ANLN: variants seen among roughly 807,000 people sequenced by gnomAD.
ANLN encodes anillin.
In ANLN, 59 loss-of-function variants were observed where a neutral mutation model predicts 135.1. That is an observed-to-expected ratio of 0.44 (90% CI 0.35 to 0.54). ANLN has a LOEUF of 0.54. Among genes scored for constraint, ANLN ranks in the 20% least tolerant of loss-of-function variants. The pLI is 0.00. For missense variants in ANLN, 1,182 were observed against 1,340.0 expected (o/e 0.88, Z 1.84); for synonymous variants, 406 against 456.4 (o/e 0.89, Z 1.41).
intron 2 of ANLN, 115 bp downstream of exon 2, chr7:36,396,534 A>C (rs1583590681): frequency 9.8e-7 from 1 of 1,016,012 alleles, no homozygotes. Context: ...GACAAATGTA[A>C]CAGCCTCTGG....
intron 3 of ANLN, among the ~76,000 whole-genome samples, chr7:36,400,868 T>C (rs1289271685): frequency 6.6e-6 from 1 of 152,198 alleles, no homozygotes; most frequent in Non-Finnish European, 1.5e-5. Context: ...TTATTTTTTT[T>C]AAAGCTCTTT....
chr7:36,452,726 C>A lies in ANLN; in HGVS notation c.*126C>A. On this transcript the variant is annotated 3_prime_UTR_variant, in exon 24 of 24. Coordinates refer to ENST00000265748, the MANE Select transcript of ANLN (RefSeq NM_018685.5). ...AAAGGGTTTGTGCCAATATTCACTA[C>A]GTATTATGCAGTATTTATATCTTTT... 9.5e-7 allele frequency: 1 copy of A among 1,054,792 alleles called. No individual in the cohort carries two copies. Among genetic ancestry groups the A allele is most frequent in the Non-Finnish European group, 1.4e-6 (1 of 726,238 alleles). The allele number at this position is 1,054,792 out of a possible 1,614,324, so 65.3% of individuals were successfully genotyped here. A position where few individuals can be genotyped will look rare whatever the true frequency, so the allele number is the denominator to read the frequency against.
In ANLN at chr7:36,420,289, T is replaced by A. The variant is rs763658240; in HGVS notation, c.1990T>A (p.Ser664Thr). ...AGCTGAATCTGGTGATAGCCTTGGT[T>A]CTGAAGATCGTGATCTTCTTTACAG... ...PRAESGDSLG[S>T]EDRDLLYSID... Residue 664 changes from serine (S) to threonine (T), a missense_variant, in exon 11 of 24, where the codon TCT (serine) becomes ACT (threonine). Ser to Thr is a moderately conservative substitution (Grantham distance 58, BLOSUM62 1). This residue lies in a region of ANLN where 1,022 missense variants were observed against 1,134.0 expected (regional missense o/e 0.90). Transcript: ENST00000265748. The A allele has an allele frequency of 3.1e-6, 5 of 1,614,020 alleles. No individual in the cohort carries two copies. In the Admixed American group the frequency reaches 5.0e-5, roughly 16 times the overall value.
chr7:36,405,360 A>T (rs1356069504), intron 3 of ANLN, among the ~76,000 whole-genome samples: 1 of 152,226 alleles, frequency 6.6e-6, no homozygotes, highest in Admixed American at 6.5e-5. Context: ...GACTGTGCTT[A>T]TGTGCAGACA....
intron 2 of ANLN, among the ~76,000 whole-genome samples, chr7:36,396,866 A>G (rs1282752981): frequency 3.9e-5 from 6 of 152,204 alleles, no homozygotes; most frequent in African/African-American, 7.2e-5. Flanking sequence ...TTCACTCTCT[A>G]TTTGCTGAAC....
At chr7:36,418,493 A>C (rs993524352) in intron 9 of ANLN, among the ~76,000 whole-genome samples, 1 of 152,240 alleles carries the variant, frequency 6.6e-6, no homozygotes, top group Non-Finnish European at 1.5e-5. Context: ...AGTATATATC[A>C]TAATACCACA....
chr7:36,448,742 A>G (rs1004855955), intron 22 of ANLN, among the ~76,000 whole-genome samples: 5 of 152,110 alleles, frequency 3.3e-5, no homozygotes, highest in Admixed American at 1.3e-4. Flanking sequence ...ATAGTCCCCT[A>G]TTACTGTCAT....
intron 7 of ANLN, among the ~76,000 whole-genome samples, chr7:36,413,219 C>T (rs548659158): frequency 6.6e-6 from 1 of 152,160 alleles, no homozygotes; most frequent in East Asian, 1.9e-4. Context: ...CCATTCCCCT[C>T]CTTTTCTTTG....
intron 7 of ANLN, among the ~76,000 whole-genome samples, chr7:36,412,323 ATATATTT>A (rs1381591249): frequency 6.8e-5 from 8 of 117,708 alleles, no homozygotes; most frequent in South Asian, 5.2e-4. Context: ...ATATATATAT[ATATATTT>A]TTTTTTTTTT....
In ANLN at chr7:36,423,832, ATTAC is replaced by A; in HGVS notation, c.2496_2499del (p.Tyr832Ter). 6.2e-7 allele frequency: 1 copy of A among 1,610,388 alleles called. No individual in the cohort carries two copies. Among genetic ancestry groups the A allele is most frequent in the African/African-American group, 1.3e-5 (1 of 74,904 alleles). On this transcript the variant is annotated frameshift_variant, in exon 15 of 24. Transcript: ENST00000265748. LOFTEE classifies it high-confidence loss of function. ...CTTCTTACAGATGCAGCAAATTACTATTACTTAATTATACTAAAAGCAGGAGCTG... is the reference window on the plus strand; with the variant it reads ...CTTCTTACAGATGCAGCAAATTACTATTAATTATACTAAAAGCAGGAGCTG...
intron 9 of ANLN, among the ~76,000 whole-genome samples, chr7:36,417,571 T>G (rs750311497): frequency 9.2e-5 from 14 of 152,004 alleles, no homozygotes; most frequent in Admixed American, 6.6e-4. Context: ...ACTAGCTACA[T>G]GGAAGTAGTG....
chr7:36,449,534 A>C, intron 22 of ANLN, 131 bp from the exon 23 acceptor site: 1 of 660,020 alleles, frequency 1.5e-6, no homozygotes, highest in Non-Finnish European at 2.4e-6. Context: ...CTCTAAGCCC[A>C]GTGTAACTAA....
intron 3 of ANLN, among the ~76,000 whole-genome samples, chr7:36,405,343 A>G (rs1356301577): frequency 1.3e-5 from 2 of 152,244 alleles, no homozygotes; most frequent in African/African-American, 4.8e-5. Context: ...ATTGTTAAAC[A>G]ACTCATGACT....
intron 3 of ANLN, among the ~76,000 whole-genome samples, chr7:36,400,385 A>G (rs1377355546): frequency 6.6e-6 from 1 of 151,950 alleles, no homozygotes; most frequent in Non-Finnish European, 1.5e-5. Context: ...TTTGAGACAG[A>G]GTCTCACTCT....
chr7:36,400,883 A>G (rs1293115586), intron 3 of ANLN, among the ~76,000 whole-genome samples: 1 of 152,168 alleles, frequency 6.6e-6, no homozygotes, highest in Admixed American at 6.5e-5. Flanking sequence ...CTCTTTAGGT[A>G]ATTCTGATGC....
chr7:36,431,617 A>ATATATATATATATATATATATATAT, intron 20 of ANLN, among the ~76,000 whole-genome samples: 1 of 67,372 alleles, frequency 1.5e-5, no homozygotes, highest in Non-Finnish European at 2.8e-5. Flanking sequence ...ATATATATAT[A>ATATATATATATATATATATATATAT]ATATATATAT....
chr7:36,411,111 T>C lies in ANLN; in HGVS notation c.1340T>C (p.Ile447Thr). 1 of 1,612,228 alleles carries C rather than the reference T, an allele frequency of 6.2e-7. No individual in the cohort carries two copies. The highest frequency in any genetic ancestry group is 8.5e-7 in the Non-Finnish European group (1 of 1,179,658). ...CLRGRFDKGNIWSAEKGGNSK... is the reference protein window; with the variant it reads ...CLRGRFDKGNTWSAEKGGNSK... ...CGTGGCCGATTTGACAAGGGCAATATATGGAGTGCAGAAAAAGGCGGAAAC... is the reference window on the plus strand; with the variant it reads ...CGTGGCCGATTTGACAAGGGCAATACATGGAGTGCAGAAAAAGGCGGAAAC... Residue 447 changes from isoleucine to threonine, a missense_variant, in exon 7 of 24, where the codon ATA (isoleucine) becomes ACA (threonine). Ile to Thr is a moderately conservative substitution (Grantham distance 89). Coordinates refer to ENST00000265748, the MANE Select transcript of ANLN (RefSeq NM_018685.5).
intron 20 of ANLN, among the ~76,000 whole-genome samples, chr7:36,438,334 T>A (rs972699333): frequency 6.6e-6 from 1 of 152,204 alleles, no homozygotes; most frequent in Non-Finnish European, 1.5e-5. Flanking sequence ...ATTTCTTTTG[T>A]CCATATGTCT....
In ANLN at chr7:36,449,786, A is replaced by G. The variant is rs749412309; in HGVS notation, c.3200A>G (p.Asp1067Gly). 5.6e-6 allele frequency: 9 copies of G among 1,614,118 alleles called. No individual in the cohort carries two copies. The East Asian group carries it at 2.0e-4, about 36-fold the overall frequency. Residue 1067 changes from aspartate to glycine, a missense_variant, in exon 23 of 24, where the codon GAT (aspartate) becomes GGT (glycine). Physicochemically the swap from Asp to Gly is moderately conservative, Grantham distance 94. Transcript: ENST00000265748. Reference sequence around the variant, plus strand: ...ATTACTGTCCGACCACAAAGAGAAGATGACCGAGAGACTCTTGTCAGCCAA... The same window carrying G: ...ATTACTGTCCGACCACAAAGAGAAGGTGACCGAGAGACTCTTGTCAGCCAA... ...ELITVRPQRE[D>G]DRETLVSQCR...
Sources: gnomAD v4.1 joint callset for allele counts (sites outside exome capture counted in the v4.1 genomes callset) on GRCh38, gnomAD v4.1.1 for gene constraint, gnomAD v4.1.1 regional missense constraint, MANE v1.5 for transcripts, NCBI Gene and HGNC (gene_info 2026-07-23, HGNC 2026-07-21) for gene names.